Variants in TPH2 observed in about 807,000 individuals in gnomAD.
TPH2 encodes the protein tryptophan 5-hydroxylase 2.
In TPH2, 27 loss-of-function variants were observed where a neutral mutation model predicts 59.1. The observed-to-expected ratio is 0.46, with a 90% CI of 0.34 to 0.63. The LOEUF is 0.63. TPH2 is among the 30% of genes least tolerant of loss of function. The pLI is 0.01. For missense variants in TPH2, 523 were observed against 588.3 expected, an observed-to-expected ratio of 0.89 and a Z score of 1.15; for synonymous variants, 220 against 210.5, an observed-to-expected ratio of 1.05 and a Z score of -0.39.
rs1871999302 is a variant in TPH2 at position 71,972,461 on chromosome 12, A to C, written c.609-58A>C. On this transcript the variant is annotated intron_variant, in intron 5 of 10. Coordinates refer to ENST00000333850, the MANE Select transcript of TPH2 (RefSeq NM_173353.4). ...ACTTGTGATAGGTATTGAGGTGAGA[A>C]AATACTTAACTCAGTGATTCAAAGT... 5.7e-6 allele frequency: 9 copies of C among 1,566,526 alleles called. No homozygotes were observed. In the Admixed American group the frequency reaches 1.5e-4, roughly 26 times the overall value.
rs60298553 is a variant in TPH2 at position 71,978,215 on chromosome 12, TAA to T, written c.806-725_806-724del. 6.7e-4 allele frequency among the ~76,000 whole-genome samples: 97 copies of T among 144,526 alleles called. 1 individual carries two copies. Among genetic ancestry groups the T allele is most frequent in the South Asian group, 3.9e-3 (18 of 4,604 alleles). The allele number at this position is 144,526 out of a possible 152,430, so 94.8% of individuals were successfully genotyped here. ...ACAACATTTTAATAAAATGCATATTTAAAAAAAAAAAAAGAATAGTCCTTCTG... is the reference window on the plus strand; with the variant it reads ...ACAACATTTTAATAAAATGCATATTTAAAAAAAAAAAGAATAGTCCTTCTG... On this transcript the variant is annotated intron_variant, in intron 6 of 10. Coordinates refer to ENST00000333850, the MANE Select transcript of TPH2 (RefSeq NM_173353.4).
At chr12:72,012,588 T>C (rs1296405329) in intron 8 of TPH2, among the ~76,000 whole-genome samples, 2 of 152,160 alleles carry the variant, frequency 1.3e-5, no homozygotes. Flanking sequence ...ACTTTTACTC[T>C]AGAGCAATGA....
intron 9 of TPH2, among the ~76,000 whole-genome samples, chr12:72,024,049 G>T (rs1461143171): frequency 1.3e-5 from 2 of 151,576 alleles, no homozygotes; most frequent in Non-Finnish European, 1.5e-5. Context: ...AGCCATCTAG[G>T]CTCTAGGATC....
intron 8 of TPH2, among the ~76,000 whole-genome samples, chr12:72,005,605 A>G (rs1040241546): frequency 6.6e-6 from 1 of 152,196 alleles, no homozygotes; most frequent in Non-Finnish European, 1.5e-5. Flanking sequence ...TTTATCAAAC[A>G]CTTGTGCTGT....
chr12:72,022,806 T>C (rs1873459838), intron 9 of TPH2, among the ~76,000 whole-genome samples: 1 of 152,142 alleles, frequency 6.6e-6, no homozygotes, highest in South Asian at 2.1e-4. Flanking sequence ...AAGTGGGCCA[T>C]GAGCTAGCAG....
chr12:71,944,825 C>A, intron 4 of TPH2, 139 bp downstream of exon 4: 1 of 851,284 alleles, frequency 1.2e-6, no homozygotes, highest in Non-Finnish European at 1.9e-6. Context: ...AGCAGACTTC[C>A]AAATGATAAA....
intron 6 of TPH2, among the ~76,000 whole-genome samples, chr12:71,978,517 T>C (rs559735238): frequency 6.6e-6 from 1 of 152,286 alleles, no homozygotes; most frequent in South Asian, 2.1e-4. Context: ...TATGAACTGA[T>C]TTGAAGATGC....
At chr12:71,976,823 A>T (rs953175067) in intron 6 of TPH2, among the ~76,000 whole-genome samples, 3 of 152,150 alleles carry the variant, frequency 2.0e-5, no homozygotes, top group African/African-American at 7.2e-5. Flanking sequence ...GTACTCTCCT[A>T]ATGCGTTAAA....
At chr12:71,979,143 T>C in intron 7 of TPH2, 56 bp downstream of exon 7, 1 of 1,611,218 alleles carries the variant, frequency 6.2e-7, no homozygotes. Flanking sequence ...CAATGATCCC[T>C]TTACTTGAAA....
intron 6 of TPH2, among the ~76,000 whole-genome samples, chr12:71,973,072 G>T (rs2139204055): frequency 6.6e-6 from 1 of 152,288 alleles, no homozygotes; most frequent in Non-Finnish European, 1.5e-5. Context: ...TTGTTAAAAA[G>T]TATGTACTGA....
At chr12:71,988,628 C>T (rs1198600881) in intron 7 of TPH2, among the ~76,000 whole-genome samples, 1 of 152,196 alleles carries the variant, frequency 6.6e-6, no homozygotes, top group Non-Finnish European at 1.5e-5. Context: ...CCCCGTGATC[C>T]AGTCACCTCC....
chr12:72,026,901 T>C (rs551919832), intron 9 of TPH2, among the ~76,000 whole-genome samples: 2 of 152,288 alleles, frequency 1.3e-5, no homozygotes, highest in African/African-American at 4.8e-5. Context: ...AAAAATATTA[T>C]ATACACACAT....
intron 8 of TPH2, among the ~76,000 whole-genome samples, chr12:72,006,464 G>C (rs145644282): frequency 1.3e-5 from 2 of 152,048 alleles, no homozygotes; most frequent in Admixed American, 1.3e-4. Context: ...TGGCTGAACT[G>C]TCCTAACAGG....
At chr12:71,946,875 C>G (rs1871210204) in intron 4 of TPH2, among the ~76,000 whole-genome samples, 1 of 152,126 alleles carries the variant, frequency 6.6e-6, no homozygotes, top group Non-Finnish European at 1.5e-5. Context: ...TTTTTAAATG[C>G]AGATAATGAG....
intron 7 of TPH2, among the ~76,000 whole-genome samples, chr12:71,980,779 G>A (rs1040990439): frequency 3.9e-5 from 6 of 152,166 alleles, no homozygotes; most frequent in African/African-American, 1.2e-4. Flanking sequence ...CAGAGAGAGA[G>A]AGAGAGGCAA....
In TPH2 at chr12:72,015,300, G is replaced by GT. The variant is rs370890628; in HGVS notation, c.1069-7089dup. Among the ~76,000 whole-genome samples the GT allele has an allele frequency of 6.8e-3, 891 of 130,574 alleles. 12 individuals carry two copies. The highest frequency in any genetic ancestry group is 0.023 in the African/African-American group (797 of 35,334). 85.7% of individuals were successfully genotyped at this position (130,574 alleles called of 152,430 possible). ...GTGAGCCACAGAGCCCTTTTATGTGGTTTTTTTTTTGGTTGTTTTTTTTTT... is the reference window on the plus strand; with the variant it reads ...GTGAGCCACAGAGCCCTTTTATGTGGTTTTTTTTTTTGGTTGTTTTTTTTTT... On this transcript the variant is annotated intron_variant, in intron 8 of 10. Coordinates refer to ENST00000333850, the MANE Select transcript of TPH2 (RefSeq NM_173353.4).
intron 7 of TPH2, among the ~76,000 whole-genome samples, chr12:71,987,745 G>C (rs184862870): frequency 6.6e-6 from 1 of 152,060 alleles, no homozygotes; most frequent in African/African-American, 2.4e-5. Flanking sequence ...CCAGCTACTC[G>C]GCGGGCTGAG....
chr12:71,970,072 G>A (rs979677685), intron 5 of TPH2, among the ~76,000 whole-genome samples: 4 of 152,246 alleles, frequency 2.6e-5, no homozygotes, highest in African/African-American at 9.6e-5. Flanking sequence ...GATTTTTTCT[G>A]TATTTTGGAT....
Position 72,031,284 on chromosome 12 carries a change from G to GAA in TPH2, c.1193_1194dup (p.Ala399LysfsTer35). On this transcript the variant is annotated frameshift_variant, in exon 10 of 11. Transcript: ENST00000333850. LOFTEE classifies it high-confidence loss of function. ...ACGCCCTTTCTGACAAGGCATGTGT[G>GAA]AAAGCCTTTGACCCAAAGACAACTT... 1 of 1,613,554 alleles carries GAA rather than the reference G, an allele frequency of 6.2e-7. No individual in the cohort carries two copies. The highest frequency in any genetic ancestry group is 8.5e-7 in the Non-Finnish European group (1 of 1,179,558).
Sources: gnomAD v4.1 joint callset for allele counts (sites outside exome capture counted in the v4.1 genomes callset) on GRCh38, gnomAD v4.1.1 for gene constraint, MANE v1.5 for transcripts, NCBI Gene and HGNC (gene_info 2026-07-23, HGNC 2026-07-21) for gene names.